Variants in VCAM1 observed in about 807,000 individuals in gnomAD.
The protein encoded by VCAM1 is vascular cell adhesion molecule 1.
A neutral mutation model predicts 63.8 loss-of-function variants in VCAM1; 41 were observed. The observed-to-expected ratio is 0.64, with a 90% CI of 0.50 to 0.83. The LOEUF is 0.83. Ranked by LOEUF, VCAM1 falls within the 40% of genes least tolerant of loss-of-function variation. The pLI, the probability that VCAM1 is intolerant of heterozygous loss-of-function variation, is 0.00. For missense variants in VCAM1, 798 were observed against 875.5 expected (o/e 0.91, Z 1.12); for synonymous variants, 338 against 320.7 (o/e 1.05, Z -0.58).
Position 100,738,105 on chromosome 1 carries a change from C to A in VCAM1, c.2060-18C>A. On this transcript the variant is annotated intron_variant, in intron 8 of 8. Transcript: ENST00000294728. ...TTTTGTACTAGACATTAATTGCATC[C>A]ATTTTGTTATTTTCCAGGAAGAGAA... 6.2e-7 allele frequency: 1 copy of A among 1,609,952 alleles called. No homozygotes were observed. The highest frequency in any genetic ancestry group is 1.1e-5 in the South Asian group (1 of 90,444).
In VCAM1 at chr1:100,738,509, T is replaced by A. The variant is rs1475094261; in HGVS notation, c.*226T>A. ...ATCAAGATGAGAGAACTGGAGGAGT[T>A]CCTTGATCTGTATATACAATAACAT... On this transcript the variant is annotated 3_prime_UTR_variant, in exon 9 of 9. Transcript: ENST00000294728. The A allele has an allele frequency of 9.5e-6, 4 of 421,102 alleles. No homozygotes were observed. The highest frequency in any genetic ancestry group is 1.7e-5 in the Non-Finnish European group (4 of 234,780). 26.1% of individuals were successfully genotyped at this position (421,102 alleles called of 1,614,324 possible).
In VCAM1 at chr1:100,719,926, T is replaced by A. The variant is rs1296325460; in HGVS notation, c.64+2T>A. 2.5e-6 allele frequency: 4 copies of A among 1,609,236 alleles called. No homozygotes were observed. The highest frequency in any genetic ancestry group is 3.4e-6 in the Non-Finnish European group (4 of 1,176,652). ...TACTTTGGATAATGTTTGCAGCTTG[T>A]AAGTTATTTCCCTTCATCTGTTTCA... On this transcript the variant is annotated splice_donor_variant, in intron 1 of 8. Coordinates refer to ENST00000294728, the MANE Select transcript of VCAM1 (RefSeq NM_001078.4). LOFTEE classifies it high-confidence loss of function.
chr1:100,731,234 G>A lies in VCAM1; in HGVS notation c.1241G>A (p.Gly414Asp), dbSNP rs751758027. ...PRDPEIEMSG[G>D]LVNGSSVTVS... ...GATCCAGAAATCGAGATGAGTGGTG[G>A]CCTCGTGAATGGGAGCTCTGTCACT... Residue 414 changes from glycine to aspartate, a missense_variant, in exon 6 of 9, where the codon GGC becomes GAC. Physicochemically the swap from Gly to Asp is moderately conservative, Grantham distance 94 (BLOSUM62 -1). Coordinates refer to ENST00000294728, the MANE Select transcript of VCAM1 (RefSeq NM_001078.4). This position sits in a 1 kb window ranked among gnomAD's most constrained non-coding sequence, Gnocchi z 4.2. The A allele has an allele frequency of 3.7e-5, 59 of 1,612,770 alleles. No individual in the cohort carries two copies. The highest frequency in any genetic ancestry group is 1.6e-4 in the Middle Eastern group (1 of 6,076).
In VCAM1 at chr1:100,738,820, A is replaced by C. The variant is rs1416298088; in HGVS notation, c.*537A>C. 6.6e-6 allele frequency: 1 copy of C among 152,386 alleles called. No individual in the cohort carries two copies. The highest frequency in any genetic ancestry group is 2.4e-5 in the African/African-American group (1 of 41,456). 9.4% of individuals were successfully genotyped at this position (152,386 alleles called of 1,614,324 possible). The stretch of plus-strand genomic sequence containing the variant: ...TTATAGACAAATAATAAGCAAAGGG[A>C]GCACTGGGTTGACTTTCAGGTACTA... On this transcript the variant is annotated 3_prime_UTR_variant, in exon 9 of 9. Transcript: ENST00000294728.
chr1:100,723,181 G>A lies in VCAM1; in HGVS notation c.502G>A (p.Ala168Thr), dbSNP rs748417631. 1.4e-5 allele frequency: 22 copies of A among 1,613,052 alleles called. 1 individual carries two copies. In the Admixed American group the frequency reaches 3.7e-4, roughly 27 times the overall value. Residue 168 changes from alanine (A) to threonine (T), a missense_variant, in exon 3 of 9, where the codon GCA becomes ACA. By Grantham distance (58) the Ala-to-Thr change is moderately conservative. Coordinates refer to ENST00000294728, the MANE Select transcript of VCAM1 (RefSeq NM_001078.4). ...LMKSQEFLED[A>T]DRKSLETKSL... ...GAAGAGTCAGGAATTTCTGGAGGAT[G>A]CAGACAGGAAGTCCCTGGAAACCAA...
Position 100,723,132 on chromosome 1 carries a change from C to T in VCAM1, c.453C>T (p.Asp151=). 1.9e-6 allele frequency: 3 copies of T among 1,613,094 alleles called. No homozygotes were observed. The highest frequency in any genetic ancestry group is 2.5e-6 in the Non-Finnish European group (3 of 1,179,458). ...ACCCATTTGACAGGCTGGAGATAGACTTACTGAAAGGAGATCATCTCATGA... is the reference window on the plus strand; with the variant it reads ...ACCCATTTGACAGGCTGGAGATAGATTTACTGAAAGGAGATCATCTCATGA... The part of the protein sequence containing the change: ...DVYPFDRLEI[D]LLKGDHLMKS... Residue 151 remains aspartate (D), a synonymous_variant, in exon 3 of 9, where the codon GAC becomes GAT. Transcript: ENST00000294728.
At chr1:100,723,983 G>A (rs1159376172) in intron 3 of VCAM1, among the ~76,000 whole-genome samples, 2 of 151,970 alleles carry the variant, frequency 1.3e-5, no homozygotes, top group South Asian at 4.1e-4. Flanking sequence ...TGCCAACTAC[G>A]GCATGTTTAG....
At position 100,731,296 on chromosome 1, in the gene VCAM1, C is replaced by A. The variant is rs533971321; in HGVS notation, c.1303C>A (p.Arg435=). The change falls in exon 6 of 9, where the codon CGG becomes AGG. Residue 435 remains arginine, a synonymous_variant. Transcript: ENST00000294728. This position sits in a 1 kb window ranked among gnomAD's most constrained non-coding sequence, Gnocchi z 4.2. ...GGTTCCTAGCGTGTACCCCCTTGACCGGCTGGAGATTGAATTACTTAAGGG... is the reference window on the plus strand; with the variant it reads ...GGTTCCTAGCGTGTACCCCCTTGACAGGCTGGAGATTGAATTACTTAAGGG... ...CKVPSVYPLD[R]LEIELLKGET... is the part of the protein sequence containing the mutation. The A allele has an allele frequency of 6.2e-7, 1 of 1,613,738 alleles. No individual in the cohort carries two copies. The highest frequency in any genetic ancestry group is 1.3e-5 in the African/African-American group (1 of 74,974).
chr1:100,737,994 C>T (rs1167573997), intron 8 of VCAM1, 129 bp from the exon 9 acceptor site: 4 of 1,027,692 alleles, frequency 3.9e-6, no homozygotes, highest in Non-Finnish European at 5.7e-6. Context: ...CCTGATGGTC[C>T]TTATCACTGC....
rs967254310 is a variant in VCAM1, at chr1:100,731,904, G to C, written c.1525+386G>C. ...CTTTCTTTATGTGGTGTCACCCTGA[G>C]GAACAGTAGCCTAGATTTACTCTCC... On this transcript the variant is annotated intron_variant, in intron 6 of 8. Coordinates refer to ENST00000294728, the MANE Select transcript of VCAM1 (RefSeq NM_001078.4). This position sits in a 1 kb window ranked among gnomAD's most constrained non-coding sequence, Gnocchi z 4.2. Among the ~76,000 whole-genome samples the C allele has an allele frequency of 2.6e-5, 4 of 152,142 alleles. No individual in the cohort carries two copies. Among genetic ancestry groups the C allele is most frequent in the African/African-American group, 9.7e-5 (4 of 41,426 alleles).
chr1:100,724,208 T>C (rs1242382636), intron 3 of VCAM1, among the ~76,000 whole-genome samples: 1 of 152,018 alleles, frequency 6.6e-6, no homozygotes, highest in Non-Finnish European at 1.5e-5. Flanking sequence ...AGAGAGAAGA[T>C]TTCAGCTCAA....
intron 7 of VCAM1, 38 bp from the exon 8 acceptor site, chr1:100,734,464 T>C (rs917746207): frequency 6.3e-7 from 1 of 1,582,770 alleles, no homozygotes; most frequent in African/African-American, 1.4e-5. Context: ...GGTTTATATT[T>C]CACTCAATCA....
At chr1:100,727,189 TA>T (rs1177106055) in intron 4 of VCAM1, among the ~76,000 whole-genome samples, 1 of 151,986 alleles carries the variant, frequency 6.6e-6, no homozygotes, top group Non-Finnish European at 1.5e-5. Context: ...TTGTTTGTTT[TA>T]GGAAATGAGA....
intron 4 of VCAM1, among the ~76,000 whole-genome samples, chr1:100,727,993 CAAGT>C (rs1490947544): frequency 6.6e-6 from 1 of 151,894 alleles, no homozygotes; most frequent in Non-Finnish European, 1.5e-5. Flanking sequence ...CTGTAATTTA[CAAGT>C]AAGATTTCAG....
chr1:100,737,968 A>G (rs1660716197), intron 8 of VCAM1, 155 bp from the exon 9 acceptor site: 4 of 740,316 alleles, frequency 5.4e-6, no homozygotes, highest in Non-Finnish European at 8.8e-6. Context: ...AATTCAGACA[A>G]ACATGCATCT....
At chr1:100,734,912 C>G (rs1310995484) in intron 8 of VCAM1, 144 bp downstream of exon 8, 2 of 987,340 alleles carry the variant, frequency 2.0e-6, no homozygotes, top group Non-Finnish European at 2.9e-6. Flanking sequence ...TCAAGCACAG[C>G]TGCTTTATCC....
At position 100,731,080 on chromosome 1, in the gene VCAM1, G is replaced by C; in HGVS notation, c.1205-118G>C. The C allele has an allele frequency of 1.2e-6, 1 of 840,444 alleles. No homozygotes were observed. The highest frequency in any genetic ancestry group is 1.8e-6 in the Non-Finnish European group (1 of 552,510). 52.1% of individuals were successfully genotyped at this position (840,444 alleles called of 1,614,324 possible). ...TACTGTCATTACTTATATATTGACA[G>C]TCATTCTATCCCAGGTGACTTAAAG... On this transcript the variant is annotated intron_variant, in intron 5 of 8. Transcript: ENST00000294728. This position sits in a 1 kb window ranked among gnomAD's most constrained non-coding sequence, Gnocchi z 4.2.
In VCAM1 at chr1:100,739,003, T is replaced by C. The variant is rs1660758359; in HGVS notation, c.*720T>C. On this transcript the variant is annotated 3_prime_UTR_variant, in exon 9 of 9. Coordinates refer to ENST00000294728, the MANE Select transcript of VCAM1 (RefSeq NM_001078.4). The stretch of plus-strand genomic sequence containing the variant: ...CTTTTTATTTTCTTTTGTAAATGTT[T>C]AGGTTTTTTTGTATAGTAAAGTGAT... 6.6e-6 allele frequency: 1 copy of C among 152,234 alleles called. No individual in the cohort carries two copies. The highest frequency in any genetic ancestry group is 1.5e-5 in the Non-Finnish European group (1 of 68,038). The allele number at this position is 152,234 out of a possible 1,614,324, so 9.4% of individuals were successfully genotyped here. A position where few individuals can be genotyped will look rare whatever the true frequency, so the allele number is the denominator to read the frequency against.
intron 6 of VCAM1, among the ~76,000 whole-genome samples, 196 bp from the exon 7 acceptor site, chr1:100,732,222 A>G (rs1345309119): frequency 6.6e-6 from 1 of 152,174 alleles, no homozygotes; most frequent in African/African-American, 2.4e-5. Flanking sequence ...AGAAAACACC[A>G]TGACGTGTCC....
Sources: gnomAD v4.1 joint callset for allele counts (sites outside exome capture counted in the v4.1 genomes callset) on GRCh38, gnomAD v4.1.1 for gene constraint, Gnocchi (gnomAD v3.1) non-coding constraint, MANE v1.5 for transcripts, NCBI Gene and HGNC (gene_info 2026-07-23, HGNC 2026-07-21) for gene names.